The following PLCE1 variants were observed in gnomAD, a reference collection of about 807,000 sequenced individuals.
PLCE1 encodes phospholipase C epsilon 1.
PLCE1 carries 119 observed loss-of-function variants against 242.8 expected under a neutral mutation model. The ratio of observed to expected loss-of-function variants is 0.49; its 90% CI spans 0.42 to 0.57. PLCE1 has a LOEUF of 0.57. PLCE1 is among the 20% of genes least tolerant of loss of function. The pLI, the probability that PLCE1 is intolerant of heterozygous loss-of-function variation, is 0.00. For missense variants in PLCE1, 2,441 were observed against 2,788.8 expected, an observed-to-expected ratio of 0.88 and a Z score of 2.81; for synonymous variants, 945 against 1,017.4, an observed-to-expected ratio of 0.93 and a Z score of 1.35.
At chr10:94,161,527 G>T (rs1319672669) in intron 3 of PLCE1, among the ~76,000 whole-genome samples, 1 of 152,178 alleles carries the variant, frequency 6.6e-6, no homozygotes, top group Admixed American at 6.5e-5. Flanking sequence ...TTTTGCTGAA[G>T]TTGCTTATCA....
chr10:94,269,774 A>C lies in PLCE1; in HGVS notation c.4390-712A>C, dbSNP rs542358421. On this transcript the variant is annotated intron_variant, in intron 17 of 32. Transcript: ENST00000371380. ...TTAGCATTATAATGTAATGAGCATC[A>C]GTTCCACCTAAGAAGATTGGTCACC... 2.0e-5 allele frequency among the ~76,000 whole-genome samples: 3 copies of C among 152,334 alleles called. No individual in the cohort carries two copies. In the East Asian group the frequency reaches 5.8e-4, roughly 29 times the overall value.
intron 10 of PLCE1, 50 bp downstream of exon 10, chr10:94,254,357 G>A (rs1338615714): frequency 1.6e-6 from 2 of 1,236,556 alleles, no homozygotes; most frequent in African/African-American, 3.0e-5. Context: ...ATTTTTGTGG[G>A]AAAAAAAGTA....
chr10:94,236,321 A>G (rs2050322668), intron 7 of PLCE1, among the ~76,000 whole-genome samples: 1 of 152,130 alleles, frequency 6.6e-6, no homozygotes, highest in Non-Finnish European at 1.5e-5. Context: ...TTTGTTCTAA[A>G]ATTACTGCTC....
intron 2 of PLCE1, among the ~76,000 whole-genome samples, chr10:94,045,819 GGCCAGGC>G (rs2061871204): frequency 6.6e-6 from 1 of 152,044 alleles, no homozygotes; most frequent in East Asian, 1.9e-4. Context: ...ACCTTGGTTG[GGCCAGGC>G]GCGGTGGCTC....
At chr10:94,211,644 C>A (rs1201300179) in intron 4 of PLCE1, among the ~76,000 whole-genome samples, 1 of 152,212 alleles carries the variant, frequency 6.6e-6, no homozygotes, top group Non-Finnish European at 1.5e-5. Context: ...GCCTTCATCT[C>A]CTCACTTTGG....
At position 94,254,966 on chromosome 10, in the gene PLCE1, C is replaced by T; in HGVS notation, c.3471C>T (p.Ser1157=). 6.2e-7 allele frequency: 1 copy of T among 1,614,102 alleles called. No homozygotes were observed. Among genetic ancestry groups the T allele is most frequent in the Non-Finnish European group, 8.5e-7 (1 of 1,179,992 alleles). The stretch of plus-strand genomic sequence containing the variant: ...CCCACTCTTTGACCACAGCTGGGTC[C>T]CCCAACTTGGCTGCCGGGACGTCAT... ...RRAHSLTTAG[S]PNLAAGTSSP... The change falls in exon 11 of 33, where the codon TCC becomes TCT. Residue 1157 remains serine, a synonymous_variant. Transcript: ENST00000371380.
At chr10:94,243,604 A>G (rs1453372247) in intron 7 of PLCE1, among the ~76,000 whole-genome samples, 6 of 152,222 alleles carry the variant, frequency 3.9e-5, no homozygotes, top group African/African-American at 1.4e-4. Context: ...CCTAAAATTA[A>G]AAGTTTATCG....
At chr10:94,279,311 A>G (rs903252046) in intron 19 of PLCE1, 1 of 165,802 alleles carries the variant, frequency 6.0e-6, no homozygotes, top group Non-Finnish European at 1.3e-5. Context: ...AACCAACAAC[A>G]ATTCTTTTGG....
At chr10:94,099,344 T>C (rs1017993383) in intron 2 of PLCE1, among the ~76,000 whole-genome samples, 8 of 152,236 alleles carry the variant, frequency 5.3e-5, no homozygotes, top group Non-Finnish European at 1.2e-4. Flanking sequence ...ATGCCAGTCC[T>C]GTGCTCAGTA....
At chr10:94,255,887 C>CAA in intron 11 of PLCE1, among the ~76,000 whole-genome samples, 1 of 84,062 alleles carries the variant, frequency 1.2e-5, no homozygotes, top group Non-Finnish European at 2.4e-5. Context: ...CTCACACACA[C>CAA]ACACACACAC....
Position 94,321,886 on chromosome 10 carries a change from T to C in PLCE1, c.6343-15T>C. On this transcript the variant is annotated splice_polypyrimidine_tract_variant and intron_variant, in intron 29 of 32. Transcript: ENST00000371380. Reference sequence around the variant, plus strand: ...AAACCTATTATTTACTCACATTTTTTCTTTTTAAACATAGAACCTAGAAGA... The same window carrying C: ...AAACCTATTATTTACTCACATTTTTCCTTTTTAAACATAGAACCTAGAAGA... 1 of 1,600,882 alleles carries C rather than the reference T, an allele frequency of 6.2e-7. No individual in the cohort carries two copies. Among genetic ancestry groups the C allele is most frequent in the Non-Finnish European group, 8.6e-7 (1 of 1,168,060 alleles).
At chr10:94,052,335 G>A (rs926458175) in intron 2 of PLCE1, among the ~76,000 whole-genome samples, 1 of 152,144 alleles carries the variant, frequency 6.6e-6, no homozygotes, top group Non-Finnish European at 1.5e-5. Flanking sequence ...TTTGAGAAAA[G>A]GTAAGTGTGA....
At chr10:94,300,412 G>A (rs1204825654) in intron 24 of PLCE1, among the ~76,000 whole-genome samples, 2 of 152,222 alleles carry the variant, frequency 1.3e-5, no homozygotes, top group Non-Finnish European at 2.9e-5. Context: ...AAATGGCTGT[G>A]CTGTGTGGTT....
chr10:94,085,323 C>A (rs2135286261), intron 2 of PLCE1, among the ~76,000 whole-genome samples: 1 of 152,094 alleles, frequency 6.6e-6, no homozygotes, highest in South Asian at 2.1e-4. Flanking sequence ...AGTCAAACAA[C>A]CAAGAAAAAG....
chr10:93,995,772 C>A (rs2134129003), intron 1 of PLCE1, among the ~76,000 whole-genome samples: 1 of 152,328 alleles, frequency 6.6e-6, no homozygotes, highest in East Asian at 1.9e-4. Flanking sequence ...GAGGGACATT[C>A]TTCCAGTCCT....
chr10:94,097,477 G>T (rs1469800619), intron 2 of PLCE1, among the ~76,000 whole-genome samples: 2 of 152,106 alleles, frequency 1.3e-5, no homozygotes, highest in Non-Finnish European at 2.9e-5. Flanking sequence ...ATGATGCTAA[G>T]TGCCAGGATG....
At chr10:94,264,279 G>A (rs2051422512) in intron 14 of PLCE1, among the ~76,000 whole-genome samples, 1 of 152,046 alleles carries the variant, frequency 6.6e-6, no homozygotes, top group Non-Finnish European at 1.5e-5. Context: ...TCCCCACAGG[G>A]AGCCACAAGG....
intron 2 of PLCE1, among the ~76,000 whole-genome samples, chr10:94,110,058 CTTTTTTTT>C (rs33974566): frequency 5.4e-4 from 41 of 75,892 alleles, no homozygotes; most frequent in African/African-American, 1.8e-3. Flanking sequence ...TTTCTTTTTT[CTTTTTTTT>C]TTTTTTTTTT....
At chr10:94,041,713 T>TG (rs1312022360) in intron 2 of PLCE1, among the ~76,000 whole-genome samples, 1 of 152,018 alleles carries the variant, frequency 6.6e-6, no homozygotes, top group East Asian at 1.9e-4. Flanking sequence ...CTTCTGTCAG[T>TG]GGGGGTTCGG....
Sources: gnomAD v4.1 joint callset for allele counts (sites outside exome capture counted in the v4.1 genomes callset) on GRCh38, gnomAD v4.1.1 for gene constraint, MANE v1.5 for transcripts, NCBI Gene and HGNC (gene_info 2026-07-23, HGNC 2026-07-21) for gene names.